Variants in HOMER1 observed in about 807,000 individuals in gnomAD.
HOMER1 encodes homer scaffold protein 1.
HOMER1 carries 3 observed loss-of-function variants against 48.9 expected under a neutral mutation model. The observed-to-expected ratio is 0.06, with a 90% CI of 0.03 to 0.16. HOMER1 has a LOEUF of 0.16. Among genes scored for constraint, HOMER1 ranks in the 10% least tolerant of loss-of-function variants. The pLI is 1.00. For synonymous variants in HOMER1, 134 were observed against 146.4 expected (o/e 0.92, Z 0.61); for missense variants, 247 against 411.4 (o/e 0.60, Z 3.46).
chr5:79,375,949 C>T lies in HOMER1; in HGVS notation c.*60G>A. On this transcript the variant is annotated 3_prime_UTR_variant, in exon 9 of 9. Transcript: ENST00000334082. ...GTGCAATCTTGATGCAGAGCCTAAA[C>T]AGTCCTATGAAGAGAGACAGTGTAT... 1.7e-6 allele frequency: 1 copy of T among 587,468 alleles called. No individual in the cohort carries two copies. Among genetic ancestry groups the T allele is most frequent in the East Asian group, 4.2e-5 (1 of 24,020 alleles). The allele number at this position is 587,468 out of a possible 1,614,324, so 36.4% of individuals were successfully genotyped here.
chr5:79,401,347 C>T (rs1165774470), intron 6 of HOMER1, among the ~76,000 whole-genome samples: 2 of 151,914 alleles, frequency 1.3e-5, no homozygotes, highest in Non-Finnish European at 2.9e-5. Flanking sequence ...CTTATTATTC[C>T]TATTTTACAG....
chr5:79,446,975 G>A, intron 4 of HOMER1, 78 bp downstream of exon 4: 1 of 916,630 alleles, frequency 1.1e-6, no homozygotes, highest in Non-Finnish European at 1.8e-6. Context: ...TGTGTACTTT[G>A]GAGATTTAAT....
chr5:79,510,164 A>G (rs1348908881), intron 1 of HOMER1, among the ~76,000 whole-genome samples: 2 of 152,008 alleles, frequency 1.3e-5, no homozygotes, highest in African/African-American at 2.4e-5. Context: ...TCAATGAGAA[A>G]GGGTCATAGC....
Position 79,513,899 on chromosome 5 carries a change from G to A in HOMER1, c.-1125C>T. Reference sequence around the variant, plus strand: ...TCCAGCGCCCCCACCCCTACTCCTCGTCTCTCACGCTCCGCGCCGCCGCCA... The same window carrying A: ...TCCAGCGCCCCCACCCCTACTCCTCATCTCTCACGCTCCGCGCCGCCGCCA... On this transcript the variant is annotated 5_prime_UTR_variant, in exon 1 of 9. It adds an upstream start codon to the 5' untranslated region. Transcript: ENST00000334082. 6.5e-6 allele frequency: 1 copy of A among 154,876 alleles called. No individual in the cohort carries two copies. The highest frequency in any genetic ancestry group is 1.4e-5 in the Non-Finnish European group (1 of 69,758). 9.6% of individuals were successfully genotyped at this position (154,876 alleles called of 1,614,324 possible). A position where few individuals can be genotyped will look rare whatever the true frequency, so the allele number is the denominator to read the frequency against.
At chr5:79,503,534 GAAAAAAAAAA>G (rs751672080) in intron 1 of HOMER1, among the ~76,000 whole-genome samples, 2 of 17,330 alleles carry the variant, frequency 1.2e-4, no homozygotes, top group Non-Finnish European at 1.9e-4. Flanking sequence ...GTCACAAAGA[GAAAAAAAAAA>G]AAAAAAAAAA....
chr5:79,465,479 A>G (rs4593251), intron 1 of HOMER1, among the ~76,000 whole-genome samples: 46,858 of 151,704 alleles, frequency 0.31, 7,419 homozygotes, highest in South Asian at 0.44. Flanking sequence ...TATTTAATTG[A>G]TGTATTTGAA....
chr5:79,457,476 G>A (rs1429292967), intron 1 of HOMER1, among the ~76,000 whole-genome samples: 2 of 152,092 alleles, frequency 1.3e-5, no homozygotes, highest in Non-Finnish European at 2.9e-5. Context: ...CACTTTGTTG[G>A]TGCTTTTACT....
chr5:79,419,994 C>CT lies in HOMER1; in HGVS notation c.528-17940dup, dbSNP rs35792233. Among the ~76,000 whole-genome samples, 7 of 151,986 alleles carry CT rather than the reference C, an allele frequency of 4.6e-5. No homozygotes were observed. In the East Asian group the frequency reaches 5.8e-4, roughly 13 times the overall value. On this transcript the variant is annotated intron_variant, in intron 5 of 8. Coordinates refer to ENST00000334082, the MANE Select transcript of HOMER1 (RefSeq NM_004272.5). ...GATGTAAAATGATTAAAGAAGCATTCTTTTTTTTATCTGCATTACGATTTG... is the reference window on the plus strand; with the variant it reads ...GATGTAAAATGATTAAAGAAGCATTCTTTTTTTTTATCTGCATTACGATTTG...
At chr5:79,410,106 A>G (rs1470700857) in intron 5 of HOMER1, among the ~76,000 whole-genome samples, 1 of 152,178 alleles carries the variant, frequency 6.6e-6, no homozygotes, top group Non-Finnish European at 1.5e-5. Flanking sequence ...ATAATAAAAC[A>G]TAGGTATTAT....
At position 79,457,022 on chromosome 5, in the gene HOMER1, C is replaced by T; in HGVS notation, c.6-4G>A. ...AGTGCTGAAGATAGGTTGTTCCCTG[C>T]AGGGCAGAAAAGAAAATGATGGACT... On this transcript the variant is annotated splice_polypyrimidine_tract_variant and splice_region_variant and intron_variant, in intron 1 of 8. Coordinates refer to ENST00000334082, the MANE Select transcript of HOMER1 (RefSeq NM_004272.5). 1 of 1,613,786 alleles carries T rather than the reference C, an allele frequency of 6.2e-7. No homozygotes were observed. Among genetic ancestry groups the T allele is most frequent in the Non-Finnish European group, 8.5e-7 (1 of 1,179,758 alleles).
intron 5 of HOMER1, among the ~76,000 whole-genome samples, chr5:79,416,790 C>T (rs73769656): frequency 0.03 from 4,580 of 152,304 alleles, 207 homozygotes; most frequent in African/African-American, 0.1. Flanking sequence ...ACCCATGATA[C>T]TCTAAAGCCT....
At chr5:79,498,983 A>G (rs949877446) in intron 1 of HOMER1, among the ~76,000 whole-genome samples, 3 of 151,844 alleles carry the variant, frequency 2.0e-5, no homozygotes, top group African/African-American at 7.3e-5. Flanking sequence ...CTACAGGCGC[A>G]TACCACCATG....
intron 1 of HOMER1, among the ~76,000 whole-genome samples, chr5:79,463,197 A>C (rs1751362822): frequency 6.6e-6 from 1 of 152,206 alleles, no homozygotes; most frequent in Admixed American, 6.5e-5. Flanking sequence ...ACCCTCTTCC[A>C]TATGACTGTG....
intron 1 of HOMER1, among the ~76,000 whole-genome samples, chr5:79,482,379 C>A (rs1301535025): frequency 2.0e-5 from 3 of 151,774 alleles, no homozygotes; most frequent in Non-Finnish European, 4.4e-5. Context: ...AACAGGTAGA[C>A]AAGAACATTA....
At chr5:79,449,406 T>C (rs1288298642) in intron 3 of HOMER1, among the ~76,000 whole-genome samples, 1 of 152,214 alleles carries the variant, frequency 6.6e-6, no homozygotes, top group African/African-American at 2.4e-5. Context: ...AACTCTTATT[T>C]TACCACAGTT....
chr5:79,500,433 A>G (rs938231056), intron 1 of HOMER1, among the ~76,000 whole-genome samples: 1 of 152,144 alleles, frequency 6.6e-6, no homozygotes, highest in Non-Finnish European at 1.5e-5. Flanking sequence ...AAGGTAGCAG[A>G]TGAGTTCCCA....
At chr5:79,402,351 G>A (rs939134520) in intron 5 of HOMER1, among the ~76,000 whole-genome samples, 1 of 151,728 alleles carries the variant, frequency 6.6e-6, no homozygotes, top group East Asian at 1.9e-4. Context: ...TATTTTTTTA[G>A]TACAGACGGG....
In HOMER1 at chr5:79,498,319, C is replaced by T. The variant is rs187660259; in HGVS notation, c.5+14451G>A. Reference sequence around the variant, plus strand: ...GAGGCTGAGGCAGAATCACTTGAACCCAGGAAGCGGAGGTTGCAGTGAGCT... The same window carrying T: ...GAGGCTGAGGCAGAATCACTTGAACTCAGGAAGCGGAGGTTGCAGTGAGCT... On this transcript the variant is annotated intron_variant, in intron 1 of 8. Transcript: ENST00000334082. Among the ~76,000 whole-genome samples the T allele has an allele frequency of 7.4e-4, 112 of 152,278 alleles. 1 individual carries two copies. The highest frequency in any genetic ancestry group is 1.2e-3 in the Admixed American group (18 of 15,290).
At chr5:79,379,262 TA>T (rs1172154188) in intron 8 of HOMER1, among the ~76,000 whole-genome samples, 1 of 105,606 alleles carries the variant, frequency 9.5e-6, no homozygotes, top group African/African-American at 3.9e-5. Context: ...CTATTATATA[TA>T]TTATATATTA....
Sources: gnomAD v4.1 joint callset for allele counts (sites outside exome capture counted in the v4.1 genomes callset) on GRCh38, gnomAD v4.1.1 for gene constraint, MANE v1.5 for transcripts, NCBI Gene and HGNC (gene_info 2026-07-23, HGNC 2026-07-21) for gene names.